The following LARGE1 variants were observed in gnomAD, a reference collection of about 807,000 sequenced individuals.
The protein encoded by LARGE1 is xylosyl- and glucuronyltransferase LARGE1.
Under a neutral mutation model 87.6 loss-of-function variants are expected in LARGE1, and 43 were observed. The ratio of observed to expected loss-of-function variants is 0.49; its 90% CI spans 0.38 to 0.63. LARGE1 has a LOEUF of 0.63. Ranked by LOEUF, LARGE1 falls within the 30% of genes least tolerant of loss-of-function variation. The pLI, the probability that LARGE1 is intolerant of heterozygous loss-of-function variation, is 0.00. For missense variants in LARGE1, 802 were observed against 1,000.2 expected, an observed-to-expected ratio of 0.80 and a Z score of 2.67; for synonymous variants, 434 against 394.6, an observed-to-expected ratio of 1.10 and a Z score of -1.18.
intron 2 of LARGE1, among the ~76,000 whole-genome samples, chr22:33,756,405 C>T (rs1433906458): frequency 6.6e-6 from 1 of 152,142 alleles, no homozygotes; most frequent in Non-Finnish European, 1.5e-5. Flanking sequence ...ATAAAGAGCC[C>T]TGAGTATTAA....
chr22:33,606,952 G>A (rs530316500), intron 4 of LARGE1, among the ~76,000 whole-genome samples: 1 of 152,226 alleles, frequency 6.6e-6, no homozygotes, highest in South Asian at 2.1e-4. Context: ...GTGGTTGCCT[G>A]TCTACTTGTC....
intron 1 of LARGE1, among the ~76,000 whole-genome samples, chr22:33,842,186 T>G (rs938112026): frequency 6.6e-6 from 1 of 152,218 alleles, no homozygotes; most frequent in Non-Finnish European, 1.5e-5. Context: ...TTTTTGTCTC[T>G]ACACGGACGT....
upstream of LARGE1, chr22:33,922,279 T>TGGGGGGTGGGGGGGG (rs1555893682): frequency 1.6e-5 from 1 of 63,514 alleles, no homozygotes; most frequent in Non-Finnish European, 3.3e-5. Flanking sequence ...GCTGGGGGGG[T>TGGGGGGTGGGGGGGG]GGGGCGGCAA....
chr22:33,132,006 C>T, the LARGE1 span, among the ~76,000 whole-genome samples: 1 of 150,932 alleles, frequency 6.6e-6, no homozygotes, highest in South Asian at 2.1e-4. Flanking sequence ...TCATAAGACT[C>T]AGTCACTATC....
At chr22:33,088,198 T>C in the LARGE1 span, among the ~76,000 whole-genome samples, 1 of 151,998 alleles carries the variant, frequency 6.6e-6, no homozygotes. Flanking sequence ...AGAGATGATA[T>C]CCAATTTTTA....
chr22:33,882,050 T>TG (rs1569010024), intron 1 of LARGE1, among the ~76,000 whole-genome samples: 97 of 150,794 alleles, frequency 6.4e-4, no homozygotes, highest in African/African-American at 2.2e-3. Context: ...TTTTTGTTTT[T>TG]TTTTTTTTTT....
Position 33,283,265 on chromosome 22 carries a change from G to C in LARGE1, c.1814C>G (p.Ser605Cys). 6.2e-7 allele frequency: 1 copy of C among 1,614,172 alleles called. No homozygotes were observed. Among genetic ancestry groups the C allele is most frequent in the Non-Finnish European group, 8.5e-7 (1 of 1,180,028 alleles). The change falls in exon 13 of 15, where the codon TCC becomes TGC. Residue 605 changes from serine to cysteine, a missense_variant. This residue lies in a region of LARGE1 where 625 missense variants were observed against 841.9 expected (regional missense o/e 0.74). Transcript: ENST00000397394. ...PAFETLRYRL[S>C]FPKSKAELLS... ...CAACTCCGCTTTTGACTTGGGGAAGGACAGCCGGTAGCGCAGTGTCTCGAA... is the reference window on the plus strand; with the variant it reads ...CAACTCCGCTTTTGACTTGGGGAAGCACAGCCGGTAGCGCAGTGTCTCGAA...
At chr22:33,199,140 G>A (rs1055335471) in intron 11 of LARGE1, among the ~76,000 whole-genome samples, 1 of 151,546 alleles carries the variant, frequency 6.6e-6, no homozygotes, top group Admixed American at 6.6e-5. Flanking sequence ...TCAGCCGCTT[G>A]TATGTCTTCT....
At chr22:33,544,415 G>A (rs964148392) in intron 6 of LARGE1, among the ~76,000 whole-genome samples, 1 of 152,054 alleles carries the variant, frequency 6.6e-6, no homozygotes, top group Admixed American at 6.6e-5. Context: ...TACCAGGTGC[G>A]GTGGCTCACG....
chr22:33,852,841 G>C (rs1428532349), intron 1 of LARGE1, among the ~76,000 whole-genome samples: 1 of 117,066 alleles, frequency 8.5e-6, no homozygotes, highest in Non-Finnish European at 1.6e-5. Context: ...GGGCAAGACA[G>C]CGAGACTCCG....
chr22:33,618,035 T>C (rs1479046947), intron 4 of LARGE1, among the ~76,000 whole-genome samples: 1 of 152,208 alleles, frequency 6.6e-6, no homozygotes, highest in African/African-American at 2.4e-5. Flanking sequence ...AATCTTTAAT[T>C]ATTAAATTTA....
intron 2 of LARGE1, among the ~76,000 whole-genome samples, chr22:33,713,793 C>G (rs1459455758): frequency 1.3e-5 from 2 of 151,686 alleles, no homozygotes; most frequent in African/African-American, 4.8e-5. Context: ...ACCGTGCCTA[C>G]AAAAAATTTA....
At chr22:33,092,050 C>A in the LARGE1 span, among the ~76,000 whole-genome samples, 1 of 152,048 alleles carries the variant, frequency 6.6e-6, no homozygotes, top group African/African-American at 2.4e-5. Flanking sequence ...CAGGCACCCA[C>A]CACTACACCC....
chr22:33,832,206 A>C (rs555119463), intron 1 of LARGE1, among the ~76,000 whole-genome samples: 3 of 152,262 alleles, frequency 2.0e-5, no homozygotes, highest in African/African-American at 7.2e-5. Flanking sequence ...GGAAGCTCAA[A>C]CATGCAGAGC....
intron 5 of LARGE1, among the ~76,000 whole-genome samples, chr22:33,565,321 A>G (rs2077990123): frequency 6.6e-6 from 1 of 152,254 alleles, no homozygotes; most frequent in African/African-American, 2.4e-5. Context: ...GAAATTAAAT[A>G]GATCCACTAG....
At chr22:33,203,335 C>T (rs779256045) in intron 11 of LARGE1, among the ~76,000 whole-genome samples, 1 of 152,150 alleles carries the variant, frequency 6.6e-6, no homozygotes, top group Admixed American at 6.5e-5. Flanking sequence ...CAGGATAATT[C>T]GAGCCTGATC....
intron 2 of LARGE1, among the ~76,000 whole-genome samples, chr22:33,715,063 T>C (rs1342638639): frequency 6.6e-6 from 1 of 152,202 alleles, no homozygotes; most frequent in African/African-American, 2.4e-5. Context: ...TTCCACCATC[T>C]TTGGGCTCCT....
intron 6 of LARGE1, among the ~76,000 whole-genome samples, chr22:33,544,694 C>CAACAACAACAACAACA (rs1555952160): frequency 0.024 from 3,230 of 136,616 alleles, 52 homozygotes; most frequent in East Asian, 0.079. Context: ...AAACAACAAC[C>CAACAACAACAACAACA]ACAACAACAA....
rs77386600 is a variant in LARGE1, at chr22:33,405,036, T to C, written c.893-20732A>G. Among the ~76,000 whole-genome samples, 55 of 152,326 alleles carry C rather than the reference T, an allele frequency of 3.6e-4. No homozygotes were observed. In the East Asian group the frequency reaches 9.3e-3, roughly 26 times the overall value. Reference sequence around the variant, plus strand: ...GAGCATAAAGGAGTTTGCTGTCCTCTTGTTGGCTTTTAAGGTCATGGGACC... The same window carrying C: ...GAGCATAAAGGAGTTTGCTGTCCTCCTGTTGGCTTTTAAGGTCATGGGACC... On this transcript the variant is annotated intron_variant, in intron 7 of 14. Transcript: ENST00000397394.
Sources: allele counts gnomAD v4.1 joint callset (sites outside exome capture counted in the v4.1 genomes callset), GRCh38; gene constraint gnomAD v4.1.1; regional missense constraint gnomAD v4.1.1; transcripts MANE v1.5; gene names NCBI Gene and HGNC (gene_info 2026-07-23, HGNC 2026-07-21).